SGCZ: variants seen among roughly 807,000 people sequenced by gnomAD.
SGCZ encodes zeta-sarcoglycan.
In SGCZ, 40 loss-of-function variants were observed where a neutral mutation model predicts 41.3. The ratio of observed to expected loss-of-function variants is 0.97; its 90% CI spans 0.75 to 1.26. The LOEUF (loss-of-function observed/expected upper bound fraction) is 1.26, where lower values mean the gene tolerates loss of function less well. Among genes scored for constraint, SGCZ ranks in the 50% most tolerant of loss-of-function variants. The pLI is 0.00. For missense variants in SGCZ, 552 were observed against 369.8 expected (o/e 1.49, Z -4.04); for synonymous variants, 206 against 137.5 (o/e 1.50, Z -3.49).
intron 1 of SGCZ, among the ~76,000 whole-genome samples, chr8:14,912,915 C>T (rs1490007700): frequency 6.6e-6 from 1 of 152,076 alleles, no homozygotes; most frequent in Non-Finnish European, 1.5e-5. Context: ...AAGACTAACA[C>T]TCCACAGTGA....
intron 1 of SGCZ, among the ~76,000 whole-genome samples, chr8:15,102,044 A>G (rs1011144938): frequency 1.3e-5 from 2 of 152,178 alleles, no homozygotes; most frequent in African/African-American, 2.4e-5. Flanking sequence ...CTGATCCAGC[A>G]ATCACACTCC....
Position 14,809,183 on chromosome 8 carries a change from A to C in SGCZ, c.40-254257T>G, listed in dbSNP as rs147142807. 5.3e-3 allele frequency among the ~76,000 whole-genome samples: 806 copies of C among 152,260 alleles called. 2 individuals are homozygous for C. The highest frequency in any genetic ancestry group is 0.018 in the African/African-American group (749 of 41,556). ...CAGCGTGGCACATGTATACATATGT[A>C]ACTAAGCTGCACAATGTGCACATGT... On this transcript the variant is annotated intron_variant, in intron 1 of 7. Coordinates refer to ENST00000382080, the MANE Select transcript of SGCZ (RefSeq NM_139167.4).
intron 1 of SGCZ, among the ~76,000 whole-genome samples, chr8:15,106,504 A>T (rs920320779): frequency 2.0e-5 from 3 of 152,102 alleles, no homozygotes; most frequent in Admixed American, 2.0e-4. Flanking sequence ...GACAGTCTAA[A>T]TGTATTTGGT....
At chr8:14,244,426 T>C (rs1294712306) in intron 3 of SGCZ, among the ~76,000 whole-genome samples, 1 of 152,186 alleles carries the variant, frequency 6.6e-6, no homozygotes, top group Non-Finnish European at 1.5e-5. Context: ...CCACTGAAGC[T>C]GCAAAACAAG....
At chr8:14,178,373 G>T (rs906875224) in intron 4 of SGCZ, among the ~76,000 whole-genome samples, 1 of 152,178 alleles carries the variant, frequency 6.6e-6, no homozygotes, top group African/African-American at 2.4e-5. Context: ...TATAGCAACT[G>T]CCTTACTCAA....
chr8:15,194,551 C>G (rs771388010), intron 1 of SGCZ, among the ~76,000 whole-genome samples: 5 of 152,020 alleles, frequency 3.3e-5, no homozygotes, highest in Non-Finnish European at 7.4e-5. Flanking sequence ...GTGGATTACC[C>G]AAGTGGGCCA....
chr8:14,727,224 T>G (rs1248947401), intron 1 of SGCZ, among the ~76,000 whole-genome samples: 1 of 152,140 alleles, frequency 6.6e-6, no homozygotes. Context: ...AGGAAAAGAA[T>G]GCTCAACATC....
chr8:15,211,767 TTCA>T (rs1482782400), intron 1 of SGCZ, among the ~76,000 whole-genome samples: 2 of 152,178 alleles, frequency 1.3e-5, no homozygotes, highest in East Asian at 3.9e-4. Flanking sequence ...ATAACTACTG[TTCA>T]TCAGCTTGAC....
intron 1 of SGCZ, among the ~76,000 whole-genome samples, chr8:14,829,857 G>T (rs1490787423): frequency 6.6e-6 from 1 of 152,076 alleles, no homozygotes; most frequent in East Asian, 1.9e-4. Flanking sequence ...TGTCGCCCAG[G>T]CTGGAGTGCA....
chr8:14,615,936 G>A (rs747864222), intron 1 of SGCZ, among the ~76,000 whole-genome samples: 1 of 151,754 alleles, frequency 6.6e-6, no homozygotes, highest in Non-Finnish European at 1.5e-5. Context: ...ATAAGTTCTG[G>A]CCACAGTCCA....
intron 1 of SGCZ, among the ~76,000 whole-genome samples, chr8:14,998,780 G>A (rs746298315): frequency 6.6e-6 from 1 of 152,160 alleles, no homozygotes; most frequent in Non-Finnish European, 1.5e-5. Flanking sequence ...GTTTTCTGCT[G>A]AAACTCAACT....
chr8:14,795,316 G>A (rs555297365), intron 1 of SGCZ, among the ~76,000 whole-genome samples: 2 of 152,066 alleles, frequency 1.3e-5, no homozygotes, highest in African/African-American at 4.8e-5. Context: ...GTAAGCCCAG[G>A]TAATATTTCT....
At chr8:14,325,065 A>G (rs1802046308) in intron 2 of SGCZ, among the ~76,000 whole-genome samples, 1 of 152,172 alleles carries the variant, frequency 6.6e-6, no homozygotes, top group South Asian at 2.1e-4. Flanking sequence ...AAAGCCATAC[A>G]TATAATTTAA....
chr8:14,632,302 C>G (rs1806684355), intron 1 of SGCZ, among the ~76,000 whole-genome samples: 1 of 152,018 alleles, frequency 6.6e-6, no homozygotes, highest in Admixed American at 6.6e-5. Context: ...GGATTACAGG[C>G]CTGAGCCACC....
intron 2 of SGCZ, among the ~76,000 whole-genome samples, chr8:14,513,474 G>A (rs934861874): frequency 1.0e-5 from 1 of 98,532 alleles, no homozygotes; most frequent in Non-Finnish European, 2.2e-5. Context: ...TATACTTCAG[G>A]TTATTTTAGA....
At chr8:14,953,412 TC>T (rs2130839448) in intron 1 of SGCZ, among the ~76,000 whole-genome samples, 1 of 152,102 alleles carries the variant, frequency 6.6e-6, no homozygotes, top group African/African-American at 2.4e-5. Context: ...ACTAGGTCCC[TC>T]CCCCAAAACT....
At chr8:15,179,985 G>T (rs572366252) in intron 1 of SGCZ, among the ~76,000 whole-genome samples, 2 of 152,214 alleles carry the variant, frequency 1.3e-5, no homozygotes, top group South Asian at 4.1e-4. Context: ...AGGTCAAAAT[G>T]TCCTGTTTAG....
At chr8:15,082,183 C>T (rs1047283398) in intron 1 of SGCZ, among the ~76,000 whole-genome samples, 4 of 151,452 alleles carry the variant, frequency 2.6e-5, no homozygotes, top group Non-Finnish European at 5.9e-5. Context: ...GAGCCGAGAT[C>T]GTGACAATGC....
chr8:14,611,847 G>GA (rs969219931), intron 1 of SGCZ, among the ~76,000 whole-genome samples: 6 of 151,988 alleles, frequency 3.9e-5, no homozygotes, highest in South Asian at 2.1e-4. Context: ...TAAATGGGCA[G>GA]AAAAAAATGG....
Sources: gnomAD v4.1 joint callset for allele counts (sites outside exome capture counted in the v4.1 genomes callset) on GRCh38, gnomAD v4.1.1 for gene constraint, MANE v1.5 for transcripts, NCBI Gene and HGNC (gene_info 2026-07-23, HGNC 2026-07-21) for gene names.